Variants in DNAH7 observed in about 807,000 individuals in gnomAD.
DNAH7 encodes dynein axonemal heavy chain 7.
DNAH7 carries 397 observed loss-of-function variants against 444.6 expected under a neutral mutation model. The observed-to-expected ratio is 0.89, with a 90% CI of 0.82 to 0.97. The LOEUF (loss-of-function observed/expected upper bound fraction) is 0.97. Ranked by LOEUF, DNAH7 falls within the 50% of genes least tolerant of loss-of-function variation. DNAH7 has a pLI of 0.00. For synonymous variants in DNAH7, 1,636 were observed against 1,624.4 expected, an observed-to-expected ratio of 1.01 and a Z score of -0.17; for missense variants, 4,902 against 4,800.8, an observed-to-expected ratio of 1.02 and a Z score of -0.62.
chr2:195,763,914 A>C (rs951624929), intron 61 of DNAH7, among the ~76,000 whole-genome samples: 2 of 151,946 alleles, frequency 1.3e-5, no homozygotes, highest in Non-Finnish European at 2.9e-5. Flanking sequence ...CCAGACAAAG[A>C]CATATCAAAC....
rs1696581233 is a variant in DNAH7 at position 196,039,289 on chromosome 2, A to G, written c.398+8063T>C. 2.6e-5 allele frequency among the ~76,000 whole-genome samples: 4 copies of G among 152,342 alleles called. No individual in the cohort carries two copies. The South Asian group carries it at 8.3e-4, about 32-fold the overall frequency. ...ATGAAAACATTAAGATGGAAATAAA[A>G]AATTTCTTGAAACAAATAAAAATGA... On this transcript the variant is annotated intron_variant, in intron 5 of 64. Coordinates refer to ENST00000312428, the MANE Select transcript of DNAH7 (RefSeq NM_018897.3).
At chr2:196,045,439 G>C (rs1430175172) in intron 5 of DNAH7, among the ~76,000 whole-genome samples, 1 of 151,928 alleles carries the variant, frequency 6.6e-6, no homozygotes, top group Admixed American at 6.6e-5. Context: ...CAGCAAAAAA[G>C]AAAATGAACC....
chr2:195,948,403 T>C (rs1164391636), intron 19 of DNAH7, among the ~76,000 whole-genome samples: 1 of 152,224 alleles, frequency 6.6e-6, no homozygotes, highest in Non-Finnish European at 1.5e-5. Flanking sequence ...TAGGTTTTCT[T>C]CTAGGGTTTT....
At chr2:195,764,776 G>A (rs756723196) in intron 61 of DNAH7, among the ~76,000 whole-genome samples, 13 of 151,810 alleles carry the variant, frequency 8.6e-5, no homozygotes, top group Non-Finnish European at 1.5e-4. Flanking sequence ...CAATGGATTG[G>A]AAGAATCAAT....
Position 195,853,401 on chromosome 2 carries a change from A to C in DNAH7, c.8723T>G (p.Ile2908Ser). 6.2e-7 allele frequency: 1 copy of C among 1,614,074 alleles called. No individual in the cohort carries two copies. The highest frequency in any genetic ancestry group is 8.5e-7 in the Non-Finnish European group (1 of 1,179,998). Residue 2908 changes from isoleucine to serine, a missense_variant, in exon 46 of 65, where the codon ATC becomes AGC. Transcript: ENST00000312428. ...GQLYINLTGD[I>S]LISSGVVAYL... Reference sequence around the variant, plus strand: ...AGCAACCACTCCGGAGGAAATGAGGATATCCCCAGTCAAGTTGATGTACAG... The same window carrying C: ...AGCAACCACTCCGGAGGAAATGAGGCTATCCCCAGTCAAGTTGATGTACAG...
At chr2:195,776,038 A>G in intron 59 of DNAH7, 55 bp from the exon 60 acceptor site, 1 of 1,595,074 alleles carries the variant, frequency 6.3e-7, no homozygotes, top group Non-Finnish European at 8.5e-7. Context: ...ACTTTCTAGA[A>G]CTTTTCACAG....
intron 10 of DNAH7, among the ~76,000 whole-genome samples, chr2:196,009,513 G>A (rs1045918217): frequency 6.6e-6 from 1 of 152,172 alleles, no homozygotes; most frequent in African/African-American, 2.4e-5. Flanking sequence ...AGCAGGTTTG[G>A]AACAAAGAGA....
At chr2:195,988,665 T>C (rs1693089060) in intron 12 of DNAH7, among the ~76,000 whole-genome samples, 1 of 152,158 alleles carries the variant, frequency 6.6e-6, no homozygotes, top group South Asian at 2.1e-4. Flanking sequence ...ACCTCAAACA[T>C]TTCTCATTTC....
chr2:196,054,596 A>C (rs569668504), intron 2 of DNAH7, among the ~76,000 whole-genome samples: 3 of 152,066 alleles, frequency 2.0e-5, no homozygotes, highest in Admixed American at 2.0e-4. Flanking sequence ...CCCTCACCCC[A>C]CCCCACCTCC....
intron 5 of DNAH7, among the ~76,000 whole-genome samples, chr2:196,033,463 C>T (rs1270468329): frequency 6.6e-6 from 1 of 152,162 alleles, no homozygotes; most frequent in Non-Finnish European, 1.5e-5. Context: ...TTCCCCCTGC[C>T]TCCCTCCAGC....
intron 2 of DNAH7, among the ~76,000 whole-genome samples, chr2:196,057,088 A>C (rs752963070): frequency 1.3e-5 from 2 of 152,200 alleles, no homozygotes; most frequent in Non-Finnish European, 2.9e-5. Context: ...CTGCGGAAGA[A>C]CTTATAGCCA....
chr2:196,018,901 C>G (rs942256509), intron 9 of DNAH7, among the ~76,000 whole-genome samples: 5 of 152,072 alleles, frequency 3.3e-5, no homozygotes. Flanking sequence ...TTAATCATTG[C>G]ATGCCTCTAC....
Position 195,984,679 on chromosome 2 carries a change from T to C in DNAH7, c.1786A>G (p.Lys596Glu), listed in dbSNP as rs767111394. 9.9e-6 allele frequency: 16 copies of C among 1,614,050 alleles called. No homozygotes were observed. Among genetic ancestry groups the C allele is most frequent in the Middle Eastern group, 1.7e-4 (1 of 6,040 alleles). The change falls in exon 15 of 65, where the codon AAA (lysine) becomes GAA (glutamate). Residue 596 changes from lysine (K) to glutamate (E), a missense_variant. Physicochemically the swap from Lys to Glu is moderately conservative, Grantham distance 56. Coordinates refer to ENST00000312428, the MANE Select transcript of DNAH7 (RefSeq NM_018897.3). ...GTATTTGGAGGAGTGCTAAGAGCTT[T>C]TTCAGCTATCCTCTCAAATTCATCG... ...LCDEFERIAE[K>E]ALSTPPNTAE... is the part of the protein sequence containing the mutation.
chr2:195,740,353 T>C (rs559016474), intron 64 of DNAH7, among the ~76,000 whole-genome samples: 1 of 152,264 alleles, frequency 6.6e-6, no homozygotes, highest in Non-Finnish European at 1.5e-5. Flanking sequence ...ACGAAGCTCA[T>C]AGCATTTTGA....
chr2:195,826,776 G>A (rs1697777129), intron 48 of DNAH7, among the ~76,000 whole-genome samples: 1 of 152,122 alleles, frequency 6.6e-6, no homozygotes, highest in Non-Finnish European at 1.5e-5. Flanking sequence ...TATGTCTCAT[G>A]TACAGGAGAG....
chr2:195,939,399 A>G (rs780826630), intron 19 of DNAH7, among the ~76,000 whole-genome samples: 4 of 152,174 alleles, frequency 2.6e-5, no homozygotes, highest in Non-Finnish European at 5.9e-5. Context: ...CAGAGTCACC[A>G]TTCCATGTTG....
At chr2:195,780,016 T>C (rs1163188985) in intron 58 of DNAH7, among the ~76,000 whole-genome samples, 1 of 152,232 alleles carries the variant, frequency 6.6e-6, no homozygotes, top group Non-Finnish European at 1.5e-5. Context: ...TATTTTATTA[T>C]GTTCTTTAGT....
At chr2:196,041,133 C>A (rs190564882) in intron 5 of DNAH7, among the ~76,000 whole-genome samples, 14 of 152,082 alleles carry the variant, frequency 9.2e-5, no homozygotes, top group African/African-American at 3.4e-4. Flanking sequence ...CTGCCCAAAG[C>A]AATCTATACA....
At position 195,771,729 on chromosome 2, in the gene DNAH7, C is replaced by G. The variant is rs1365690647; in HGVS notation, c.11364G>C (p.Glu3788Asp). ...TCAGTAACTTATTGAACCGTCCCAT[C>G]TCTTGGACAAGTACAGTGTTCATGC... ...TQSMNTVLVQ[E>D]MGRFNKLLKT... Residue 3788 changes from glutamate to aspartate, a missense_variant, in exon 61 of 65, where the codon GAG (glutamate) becomes GAC (aspartate). Transcript: ENST00000312428. The G allele has an allele frequency of 2.5e-6, 4 of 1,614,066 alleles. No individual in the cohort carries two copies. The Admixed American group carries it at 6.7e-5, about 27-fold the overall frequency.
Sources: gnomAD v4.1 joint callset for allele counts (sites outside exome capture counted in the v4.1 genomes callset) on GRCh38, gnomAD v4.1.1 for gene constraint, MANE v1.5 for transcripts, NCBI Gene and HGNC (gene_info 2026-07-23, HGNC 2026-07-21) for gene names.